PPP2R5C: variants seen among roughly 807,000 people sequenced by gnomAD.
PPP2R5C encodes protein phosphatase 2 regulatory subunit B'gamma, also known as serine/threonine-protein phosphatase 2A 56 kDa regulatory subunit gamma isoform.
PPP2R5C carries 7 observed loss-of-function variants against 68.9 expected under a neutral mutation model. The observed-to-expected ratio is 0.10, with a 90% CI of 0.06 to 0.19. The LOEUF is 0.19. Ranked by LOEUF, PPP2R5C falls within the 10% of genes least tolerant of loss-of-function variation. PPP2R5C has a pLI of 1.00. For synonymous variants in PPP2R5C, 210 were observed against 222.2 expected (o/e 0.95, Z 0.49); for missense variants, 348 against 641.3 (o/e 0.54, Z 4.94).
At chr14:101,800,433 C>T (rs1481052730) in intron 3 of PPP2R5C, among the ~76,000 whole-genome samples, 1 of 152,030 alleles carries the variant, frequency 6.6e-6, no homozygotes, top group African/African-American at 2.4e-5. Flanking sequence ...CGTGATGGTG[C>T]ATGCCTGTAA....
chr14:101,841,522 G>A lies in PPP2R5C; in HGVS notation c.95-15164G>A, dbSNP rs151257551. Among the ~76,000 whole-genome samples the A allele has an allele frequency of 3.9e-3, 587 of 152,290 alleles. 5 individuals carry two copies. The highest frequency in any genetic ancestry group is 0.013 in the African/African-American group (557 of 41,564). Reference sequence around the variant, plus strand: ...GAAAGACACGGGGCCGGCTCGTTCCGTGTCCAGACAGACACTTTCACTCTG... The same window carrying A: ...GAAAGACACGGGGCCGGCTCGTTCCATGTCCAGACAGACACTTTCACTCTG... On this transcript the variant is annotated intron_variant, in intron 1 of 13. Transcript: ENST00000334743.
intron 1 of PPP2R5C, among the ~76,000 whole-genome samples, chr14:101,837,193 G>A (rs1203088234): frequency 6.6e-6 from 1 of 152,198 alleles, no homozygotes; most frequent in Non-Finnish European, 1.5e-5. Context: ...GCCCAGGCTG[G>A]AGTGCAGTGG....
At chr14:101,829,846 A>C (rs1458535299) in intron 1 of PPP2R5C, among the ~76,000 whole-genome samples, 1 of 151,714 alleles carries the variant, frequency 6.6e-6, no homozygotes, top group East Asian at 1.9e-4. Flanking sequence ...GCTTAGTCTC[A>C]CTTTGGTTGT....
intron 2 of PPP2R5C, among the ~76,000 whole-genome samples, chr14:101,870,801 T>A (rs2043359658): frequency 1.3e-5 from 2 of 152,200 alleles, no homozygotes; most frequent in South Asian, 4.1e-4. Context: ...GGTCTTCTTG[T>A]TTTGTAGTTG....
chr14:101,926,373 C>A (rs1468417909), exon 14 of PPP2R5C: 2 of 152,708 alleles, frequency 1.3e-5, no homozygotes, highest in Non-Finnish European at 2.9e-5. Flanking sequence ...CTCACGTTAT[C>A]AACACCTTGT....
At chr14:101,790,873 G>T (rs1192699106) in intron 3 of PPP2R5C, among the ~76,000 whole-genome samples, 2 of 152,198 alleles carry the variant, frequency 1.3e-5, no homozygotes, top group Non-Finnish European at 2.9e-5. Flanking sequence ...GAGGTCAGGA[G>T]ATCAAGGCCA....
intron 1 of PPP2R5C, chr14:101,831,838 A>G (rs1278252572): frequency 1.5e-6 from 1 of 689,510 alleles, no homozygotes; most frequent in Non-Finnish European, 2.7e-6. Flanking sequence ...AATCCCCAAC[A>G]TGGACCACTG....
chr14:101,847,293 T>C lies in PPP2R5C; in HGVS notation c.95-9393T>C, dbSNP rs75710809. Among the ~76,000 whole-genome samples, 21 of 152,370 alleles carry C rather than the reference T, an allele frequency of 1.4e-4. 1 individual carries two copies. In the East Asian group the frequency reaches 4.0e-3, roughly 29 times the overall value. On this transcript the variant is annotated intron_variant, in intron 1 of 13. Coordinates refer to ENST00000334743, the Ensembl canonical transcript of PPP2R5C. ...TTATCAATTGTTCTCGTTTTGAAGA[T>C]ACTGTCTTTTGAGGAAAATTGATTT...
rs2046637815 is a variant in PPP2R5C at position 101,915,815 on chromosome 14, AT to A, written c.1327-2015del. On this transcript the variant is annotated intron_variant, in intron 12 of 13. Transcript: ENST00000334743. This position sits in a 1 kb window ranked among gnomAD's most constrained non-coding sequence, Gnocchi z 4.2. ...CAGCTCAGATGATCAGATTGTATTA[AT>A]AACATACCTGGGGGAGTGTGCTGGA... 6.6e-6 allele frequency among the ~76,000 whole-genome samples: 1 copy of A among 152,222 alleles called. No individual in the cohort carries two copies. The highest frequency in any genetic ancestry group is 6.5e-5 in the Admixed American group (1 of 15,276).
intron 1 of PPP2R5C, among the ~76,000 whole-genome samples, chr14:101,812,559 A>G (rs570973390): frequency 6.6e-6 from 1 of 152,372 alleles, no homozygotes; most frequent in South Asian, 2.1e-4. Flanking sequence ...TCTTTTTAAA[A>G]AAATCATTTT....
intron 1 of PPP2R5C, among the ~76,000 whole-genome samples, chr14:101,856,042 G>A (rs1341177214): frequency 6.6e-6 from 1 of 152,198 alleles, no homozygotes; most frequent in African/African-American, 2.4e-5. Flanking sequence ...TGTAGACCAG[G>A]ATGAGGGAAA....
chr14:101,854,986 G>T (rs528589183), intron 1 of PPP2R5C, among the ~76,000 whole-genome samples: 1 of 152,076 alleles, frequency 6.6e-6, no homozygotes, highest in East Asian at 1.9e-4. Context: ...CCTGGCCAAC[G>T]TGGTGAAACC....
chr14:101,897,846 A>C (rs1328946130), intron 8 of PPP2R5C, among the ~76,000 whole-genome samples: 1 of 151,440 alleles, frequency 6.6e-6, no homozygotes, highest in Non-Finnish European at 1.5e-5. Context: ...CTCCTCTCCC[A>C]CCTTTTCCTA....
At chr14:101,912,137 G>A (rs1314999384) in intron 11 of PPP2R5C, among the ~76,000 whole-genome samples, 1 of 152,162 alleles carries the variant, frequency 6.6e-6, no homozygotes, top group Admixed American at 6.6e-5. Flanking sequence ...GGGGAAGGGG[G>A]AAGGATTGAG....
intron 1 of PPP2R5C, among the ~76,000 whole-genome samples, chr14:101,852,187 C>A (rs1030305386): frequency 6.6e-6 from 1 of 152,142 alleles, no homozygotes; most frequent in Admixed American, 6.5e-5. Context: ...TAAATAGACA[C>A]CCTGCTGTTT....
At chr14:101,810,720 C>T (rs1044853838) in intron 1 of PPP2R5C, among the ~76,000 whole-genome samples, 1 of 152,118 alleles carries the variant, frequency 6.6e-6, no homozygotes, top group Non-Finnish European at 1.5e-5. Flanking sequence ...AACAAGTTTT[C>T]AAGGTATATA....
Position 101,913,891 on chromosome 14 carries a change from AACAC to A in PPP2R5C, c.1326+1427_1326+1430del, listed in dbSNP as rs202126958. Among the ~76,000 whole-genome samples, 8 of 151,922 alleles carry A rather than the reference AACAC, an allele frequency of 5.3e-5. No homozygotes were observed. The highest frequency in any genetic ancestry group is 9.7e-5 in the African/African-American group (4 of 41,336). On this transcript the variant is annotated intron_variant, in intron 12 of 13. Coordinates refer to ENST00000334743, the Ensembl canonical transcript of PPP2R5C. The surrounding 1 kb of genome is among the most constrained non-coding windows in gnomAD (Gnocchi z 4.1). ...AGAAATGAATACACACACACACACA[AACAC>A]ACACACACGAATCAGAAGGTCTGAT...
At chr14:101,801,661 A>G (rs2038865794) in intron 3 of PPP2R5C, among the ~76,000 whole-genome samples, 3 of 152,214 alleles carry the variant, frequency 2.0e-5, no homozygotes, top group Non-Finnish European at 4.4e-5. Flanking sequence ...ACTGCAAACT[A>G]TGAAATGTTG....
intron 2 of PPP2R5C, among the ~76,000 whole-genome samples, chr14:101,772,922 G>C (rs2037226556): frequency 6.6e-6 from 1 of 152,168 alleles, no homozygotes; most frequent in South Asian, 2.1e-4. Context: ...TGGGGCCACT[G>C]TCCAGAACAC....
Sources: gnomAD v4.1 joint callset for allele counts (sites outside exome capture counted in the v4.1 genomes callset) on GRCh38, gnomAD v4.1.1 for gene constraint, Gnocchi (gnomAD v3.1) non-coding constraint, MANE v1.5 for transcripts, NCBI Gene and HGNC (gene_info 2026-07-23, HGNC 2026-07-21) for gene names.